NALF1: variants seen among roughly 807,000 people sequenced by gnomAD.
The protein encoded by NALF1 is NALCN channel auxiliary factor 1.
NALF1 carries 3 observed loss-of-function variants against 48.4 expected under a neutral mutation model. The ratio of observed to expected loss-of-function variants is 0.06; its 90% CI spans 0.03 to 0.16. The LOEUF is 0.16. NALF1 is among the 10% of genes least tolerant of loss of function. NALF1 has a pLI of 1.00. For synonymous variants in NALF1, 262 were observed against 245.7 expected (o/e 1.07, Z -0.62); for missense variants, 526 against 571.5 (o/e 0.92, Z 0.81).
At chr13:107,701,532 G>A (rs956078456) in intron 1 of NALF1, among the ~76,000 whole-genome samples, 7 of 152,060 alleles carry the variant, frequency 4.6e-5, no homozygotes, top group African/African-American at 1.7e-4. Context: ...TGAGATACAC[G>A]TGGGTCAAAA....
chr13:107,346,206 G>C (rs1332471603), intron 1 of NALF1, among the ~76,000 whole-genome samples: 1 of 152,034 alleles, frequency 6.6e-6, no homozygotes, highest in Non-Finnish European at 1.5e-5. Flanking sequence ...AGCTATTATG[G>C]AAAACAGCAA....
intron 1 of NALF1, among the ~76,000 whole-genome samples, chr13:107,667,276 A>G (rs1288093135): frequency 6.6e-6 from 1 of 152,024 alleles, no homozygotes; most frequent in Non-Finnish European, 1.5e-5. Flanking sequence ...ACCCATAAAC[A>G]CACTAAAAAT....
At chr13:107,690,604 C>T (rs969393440) in intron 1 of NALF1, among the ~76,000 whole-genome samples, 1 of 152,138 alleles carries the variant, frequency 6.6e-6, no homozygotes, top group African/African-American at 2.4e-5. Context: ...AGCAATGATA[C>T]TATCTCAAGG....
At chr13:107,481,397 C>T (rs77572573) in intron 1 of NALF1, among the ~76,000 whole-genome samples, 5,615 of 152,194 alleles carry the variant, frequency 0.037, 338 homozygotes, top group African/African-American at 0.13. Flanking sequence ...GTCTAAAATT[C>T]TTTCCTACAG....
chr13:107,451,551 T>C (rs537052993), intron 1 of NALF1, among the ~76,000 whole-genome samples: 1 of 152,314 alleles, frequency 6.6e-6, no homozygotes, highest in East Asian at 1.9e-4. Context: ...ATAAGCAGCA[T>C]GTCTGAATAC....
chr13:107,484,291 G>A (rs904571979), intron 1 of NALF1, among the ~76,000 whole-genome samples: 1 of 151,968 alleles, frequency 6.6e-6, no homozygotes, highest in Admixed American at 6.6e-5. Flanking sequence ...AACTAGTTTT[G>A]TGTCCATTTT....
Position 107,771,264 on chromosome 13 carries a change from C to G in NALF1, c.915+94418G>C, listed in dbSNP as rs867701581. Among the ~76,000 whole-genome samples, 878 of 101,418 alleles carry G rather than the reference C, an allele frequency of 8.7e-3. 7 individuals carry two copies. Among genetic ancestry groups the G allele is most frequent in the African/African-American group, 0.032 (844 of 26,382 alleles). 66.5% of individuals were successfully genotyped at this position (101,418 alleles called of 152,430 possible). ...TTTAACATGTTGTGTGTGTGTGTGTCAGTATATGATAATTACTTGAAATCC... is the reference window on the plus strand; with the variant it reads ...TTTAACATGTTGTGTGTGTGTGTGTGAGTATATGATAATTACTTGAAATCC... On this transcript the variant is annotated intron_variant, in intron 1 of 2. Transcript: ENST00000375915.
At chr13:107,684,119 G>A (rs1226363557) in intron 1 of NALF1, among the ~76,000 whole-genome samples, 1 of 152,210 alleles carries the variant, frequency 6.6e-6, no homozygotes, top group African/African-American at 2.4e-5. Context: ...CCAGCCATCT[G>A]TGGCTCCCAA....
chr13:107,490,067 T>TA (rs1018079485), intron 1 of NALF1, among the ~76,000 whole-genome samples: 14 of 151,988 alleles, frequency 9.2e-5, no homozygotes, highest in African/African-American at 3.1e-4. Flanking sequence ...TGGCTATTAT[T>TA]AAAAAATAAC....
chr13:107,337,932 GC>G (rs1323091733), intron 1 of NALF1, among the ~76,000 whole-genome samples: 1 of 152,056 alleles, frequency 6.6e-6, no homozygotes, highest in Non-Finnish European at 1.5e-5. Flanking sequence ...ACCGTGTCAC[GC>G]AAATAACAGC....
intron 1 of NALF1, among the ~76,000 whole-genome samples, chr13:107,666,483 T>G (rs1317093625): frequency 3.3e-5 from 5 of 152,158 alleles, no homozygotes; most frequent in African/African-American, 7.2e-5. Context: ...TCTTTTTGTC[T>G]GCAGCTAATA....
chr13:107,420,984 T>A (rs145474839), intron 1 of NALF1, among the ~76,000 whole-genome samples: 1 of 152,336 alleles, frequency 6.6e-6, no homozygotes, highest in Non-Finnish European at 1.5e-5. Flanking sequence ...GGGGCTGTCT[T>A]ATCTACTATT....
chr13:107,181,168 A>G (rs1009363391), intron 2 of NALF1, among the ~76,000 whole-genome samples: 2 of 151,624 alleles, frequency 1.3e-5, no homozygotes, highest in African/African-American at 2.4e-5. Context: ...ACTCTTGAAC[A>G]TATCAGTACC....
At chr13:107,814,412 T>C (rs1314436608) in intron 1 of NALF1, among the ~76,000 whole-genome samples, 1 of 152,172 alleles carries the variant, frequency 6.6e-6, no homozygotes, top group Non-Finnish European at 1.5e-5. Flanking sequence ...TTTTCCAAAC[T>C]TTTAATGCAG....
At chr13:107,235,892 G>C (rs903999365) in intron 1 of NALF1, among the ~76,000 whole-genome samples, 1 of 152,150 alleles carries the variant, frequency 6.6e-6, no homozygotes, top group Non-Finnish European at 1.5e-5. Context: ...CTAGATGAAA[G>C]GCATTGTGTT....
At chr13:107,229,729 C>T (rs1263818553) in intron 1 of NALF1, among the ~76,000 whole-genome samples, 1 of 152,180 alleles carries the variant, frequency 6.6e-6, no homozygotes, top group African/African-American at 2.4e-5. Context: ...ATTAAGAACA[C>T]ATTTAAGTGC....
chr13:107,411,197 A>G (rs2139000453), intron 1 of NALF1, among the ~76,000 whole-genome samples: 1 of 152,230 alleles, frequency 6.6e-6, no homozygotes, highest in East Asian at 1.9e-4. Flanking sequence ...TGTTTAAGAA[A>G]GGTTGTGGAT....
chr13:107,179,751 A>C (rs528263363), intron 2 of NALF1, among the ~76,000 whole-genome samples: 9 of 150,748 alleles, frequency 6.0e-5, no homozygotes, highest in Non-Finnish European at 1.0e-4. Flanking sequence ...GGGCAGGGCT[A>C]TGCTCCCTCT....
intron 1 of NALF1, among the ~76,000 whole-genome samples, chr13:107,633,721 GTATATATA>G (rs71121539): frequency 2.7e-5 from 4 of 145,798 alleles, no homozygotes; most frequent in Non-Finnish European, 6.0e-5. Flanking sequence ...ATATGTGTGT[GTATATATA>G]TATATATATA....
Sources: allele counts gnomAD v4.1 joint callset (sites outside exome capture counted in the v4.1 genomes callset), GRCh38; gene constraint gnomAD v4.1.1; transcripts MANE v1.5; gene names NCBI Gene and HGNC (gene_info 2026-07-23, HGNC 2026-07-21).